Variants in NR6A1 observed in about 807,000 individuals in gnomAD.
NR6A1 encodes retinoic acid receptor-related testis-associated receptor.
In NR6A1, 7 loss-of-function variants were observed where a neutral mutation model predicts 59.1. The ratio of observed to expected loss-of-function variants is 0.12; its 90% CI spans 0.07 to 0.22. The LOEUF is 0.22. Ranked by LOEUF, NR6A1 falls within the 10% of genes least tolerant of loss-of-function variation. The pLI is 1.00. For synonymous variants in NR6A1, 243 were observed against 236.1 expected, an observed-to-expected ratio of 1.03 and a Z score of -0.27; for missense variants, 468 against 611.6, an observed-to-expected ratio of 0.77 and a Z score of 2.48.
intron 2 of NR6A1, among the ~76,000 whole-genome samples, chr9:124,609,540 C>A (rs1425932400): frequency 2.0e-5 from 3 of 152,100 alleles, no homozygotes; most frequent in Non-Finnish European, 4.4e-5. Flanking sequence ...AGTCAGGTAG[C>A]CTGATGACAC....
chr9:124,612,103 T>G (rs1835767812), intron 2 of NR6A1, among the ~76,000 whole-genome samples: 1 of 152,236 alleles, frequency 6.6e-6, no homozygotes, highest in African/African-American at 2.4e-5. Context: ...TGTGCAGCTA[T>G]ACTGTTTAGC....
At chr9:124,595,803 G>A in intron 2 of NR6A1, 1 of 1,289,698 alleles carries the variant, frequency 7.8e-7, no homozygotes, top group Non-Finnish European at 1.0e-6. Flanking sequence ...TTCTATTGCA[G>A]CCATGAAGAA....
rs1367260374 is a variant in NR6A1 at position 124,522,800 on chromosome 9, A to C, written c.1355-7T>G. On this transcript the variant is annotated splice_region_variant and splice_polypyrimidine_tract_variant and intron_variant, in intron 9 of 9. Transcript: ENST00000487099. ...GGCACATTCACCATCTTTCCTGGGAACAAGGGGGGAGAAGAAGAGTTAGCA... is the reference window on the plus strand; with the variant it reads ...GGCACATTCACCATCTTTCCTGGGACCAAGGGGGGAGAAGAAGAGTTAGCA... 1 of 1,575,054 alleles carries C rather than the reference A, an allele frequency of 6.3e-7. No individual in the cohort carries two copies. Among genetic ancestry groups the C allele is most frequent in the Non-Finnish European group, 8.6e-7 (1 of 1,160,050 alleles).
intron 2 of NR6A1, among the ~76,000 whole-genome samples, chr9:124,685,479 T>C (rs1838302596): frequency 6.6e-6 from 1 of 152,140 alleles, no homozygotes; most frequent in South Asian, 2.1e-4. Flanking sequence ...CTGGCAGACA[T>C]CACAATGCCG....
chr9:124,735,943 A>T (rs921410644), intron 1 of NR6A1, among the ~76,000 whole-genome samples: 1 of 152,174 alleles, frequency 6.6e-6, no homozygotes, highest in African/African-American at 2.4e-5. Flanking sequence ...ATCACCTTGG[A>T]GGTTAGGATT....
At chr9:124,544,997 A>G (rs1833556759) in intron 3 of NR6A1, among the ~76,000 whole-genome samples, 1 of 152,176 alleles carries the variant, frequency 6.6e-6, no homozygotes. Context: ...TATACCTGCC[A>G]CTTAAAAAAA....
rs1455285242 is a variant in NR6A1, at chr9:124,518,264, A to C, written c.*4441T>G. ...AGGGACCAGGCTTCTATGAGCGGGGAGAGGCAGGGCCACCGTGGCTCGTGT... is the reference window on the plus strand; with the variant it reads ...AGGGACCAGGCTTCTATGAGCGGGGCGAGGCAGGGCCACCGTGGCTCGTGT... On this transcript the variant is annotated 3_prime_UTR_variant, in exon 10 of 10. Coordinates refer to ENST00000487099, the MANE Select transcript of NR6A1 (RefSeq NM_033334.4). 1 of 149,312 alleles carries C rather than the reference A, an allele frequency of 6.7e-6. No homozygotes were observed. Among genetic ancestry groups the C allele is most frequent in the Non-Finnish European group, 1.5e-5 (1 of 67,476 alleles). 9.2% of individuals were successfully genotyped at this position (149,312 alleles called of 1,614,324 possible).
At chr9:124,638,453 CA>C (rs2130895926) in intron 2 of NR6A1, among the ~76,000 whole-genome samples, 1 of 152,200 alleles carries the variant, frequency 6.6e-6, no homozygotes, top group South Asian at 2.1e-4. Flanking sequence ...CATTTGACAT[CA>C]ATAGCTATTT....
rs1397068983 is a variant in NR6A1 at position 124,517,717 on chromosome 9, G to A, written c.*4988C>T. 6.6e-6 allele frequency: 1 copy of A among 152,194 alleles called. No individual in the cohort carries two copies. Among genetic ancestry groups the A allele is most frequent in the Non-Finnish European group, 1.5e-5 (1 of 68,092 alleles). The allele number at this position is 152,194 out of a possible 1,614,324, so 9.4% of individuals were successfully genotyped here. A position where few individuals can be genotyped will look rare whatever the true frequency, so the allele number is the denominator to read the frequency against. On this transcript the variant is annotated 3_prime_UTR_variant, in exon 10 of 10. Coordinates refer to ENST00000487099, the MANE Select transcript of NR6A1 (RefSeq NM_033334.4). ...AGGAAATGGAGGCCTCTTCAGGGGG[G>A]TGACTAGTCCCTGGCTGGGTAGGTG...
At chr9:124,589,324 T>C (rs1341835041) in intron 2 of NR6A1, among the ~76,000 whole-genome samples, 1 of 152,082 alleles carries the variant, frequency 6.6e-6, no homozygotes, top group East Asian at 1.9e-4. Flanking sequence ...CGGGCGCCTG[T>C]AGTCCCAGCT....
chr9:124,561,525 C>T (rs529823972), intron 2 of NR6A1, among the ~76,000 whole-genome samples: 1 of 152,292 alleles, frequency 6.6e-6, no homozygotes, highest in Admixed American at 6.5e-5. Context: ...CTAGCTTCCT[C>T]ATAGTCTGTA....
rs1427974822 is a variant in NR6A1, at chr9:124,520,887, T to C, written c.*1818A>G. 2.0e-5 allele frequency: 3 copies of C among 152,218 alleles called. No homozygotes were observed. The highest frequency in any genetic ancestry group is 3.2e-3 in the Middle Eastern group (1 of 316). 9.4% of individuals were successfully genotyped at this position (152,218 alleles called of 1,614,324 possible). A position where few individuals can be genotyped will look rare whatever the true frequency, so the allele number is the denominator to read the frequency against. On this transcript the variant is annotated 3_prime_UTR_variant, in exon 10 of 10. Transcript: ENST00000487099. The stretch of plus-strand genomic sequence containing the variant: ...TCTCAGAGCAACTGGGGAAACGGCA[T>C]TGAGGAGTAATGTTCCGAGTTTTAG...
At chr9:124,550,375 ATTTTTTTTTTTTTT>A (rs58594452) in intron 3 of NR6A1, among the ~76,000 whole-genome samples, 1 of 117,600 alleles carries the variant, frequency 8.5e-6, no homozygotes, top group Non-Finnish European at 1.7e-5. Flanking sequence ...CTAATGGTGA[ATTTTTTTTTTTTTT>A]TTTTTTTTTG....
intron 2 of NR6A1, chr9:124,595,638 C>G: frequency 6.2e-6 from 3 of 480,664 alleles, no homozygotes; most frequent in Non-Finnish European, 1.2e-5. Flanking sequence ...TGCGAAGACA[C>G]AAAAAAAACA....
intron 2 of NR6A1, among the ~76,000 whole-genome samples, chr9:124,587,634 ACGTGTG>A (rs1484973790): frequency 6.6e-6 from 1 of 152,218 alleles, no homozygotes; most frequent in Non-Finnish European, 1.5e-5. Context: ...CCAAACACAG[ACGTGTG>A]CATTATTGGC....
In NR6A1 at chr9:124,586,010, C is replaced by T. The variant is rs578123588; in HGVS notation, c.143-31440G>A. Among the ~76,000 whole-genome samples, 49 of 152,330 alleles carry T rather than the reference C, an allele frequency of 3.2e-4. 1 individual carries two copies. The South Asian group carries it at 7.1e-3, about 22-fold the overall frequency. ...AAAATACTGCTGATTGACAATGCAT[C>T]TGGTCACCCAAGAGCTCTGATGGAG... On this transcript the variant is annotated intron_variant, in intron 2 of 9. Coordinates refer to ENST00000487099, the MANE Select transcript of NR6A1 (RefSeq NM_033334.4).
At chr9:124,690,175 C>T (rs1838484199) in intron 2 of NR6A1, among the ~76,000 whole-genome samples, 1 of 152,158 alleles carries the variant, frequency 6.6e-6, no homozygotes, top group African/African-American at 2.4e-5. Context: ...GCAGACGGCA[C>T]CTGAGACGAT....
At chr9:124,554,775 T>C (rs151064359) in intron 2 of NR6A1, among the ~76,000 whole-genome samples, 61 of 152,272 alleles carry the variant, frequency 4.0e-4, no homozygotes, top group Admixed American at 7.8e-4. Context: ...ACCTAAACTC[T>C]TCCTCCTGGG....
intron 2 of NR6A1, among the ~76,000 whole-genome samples, chr9:124,583,810 T>G (rs1200614868): frequency 1.3e-5 from 2 of 152,288 alleles, no homozygotes; most frequent in Non-Finnish European, 2.9e-5. Flanking sequence ...CCTAACCTGA[T>G]AGCCCTCTGC....
Sources: allele counts gnomAD v4.1 joint callset (sites outside exome capture counted in the v4.1 genomes callset), GRCh38; gene constraint gnomAD v4.1.1; transcripts MANE v1.5; gene names NCBI Gene and HGNC (gene_info 2026-07-23, HGNC 2026-07-21).